Variants in ZDHHC24 observed in about 807,000 individuals in gnomAD.
The protein encoded by ZDHHC24 is zDHHC palmitoyltransferase 24.
In ZDHHC24, 17 loss-of-function variants were observed where a neutral mutation model predicts 23.2. That is an observed-to-expected ratio of 0.73 (90% confidence interval 0.50 to 1.10). The LOEUF is 1.10. Among genes scored for constraint, ZDHHC24 ranks in the 50% least tolerant of loss-of-function variants. ZDHHC24 has a pLI of 0.00. For missense variants in ZDHHC24, 366 were observed against 393.0 expected (o/e 0.93, Z 0.58); for synonymous variants, 186 against 194.5 (o/e 0.96, Z 0.36).
rs1427126585 is a variant in ZDHHC24 at position 66,539,773 on chromosome 11, A to G, written c.611T>C (p.Val204Ala). ...FALAFVTDTC[V>A]AGALLCGAGL... ...AGCCCCGCACAGCAGCGCACCCGCC[A>G]CGCACGTGTCCGTCACGAAGGCCAA... Residue 204 changes from valine to alanine, a missense_variant, in exon 3 of 3, where the codon GTG becomes GCG. Transcript: ENST00000310442. The G allele has an allele frequency of 6.2e-7, 1 of 1,612,540 alleles. No homozygotes were observed. The highest frequency in any genetic ancestry group is 8.5e-7 in the Non-Finnish European group (1 of 1,179,450).
chr11:66,520,997 G>C, downstream of ZDHHC24: 1 of 470,444 alleles, frequency 2.1e-6, no homozygotes, highest in Middle Eastern at 4.5e-4. Context: ...GGGATTACAG[G>C]TGTGGGCCAC....
intron 2 of ZDHHC24, among the ~76,000 whole-genome samples, chr11:66,541,535 G>A (rs145069800): frequency 4.3e-4 from 65 of 152,300 alleles, no homozygotes; most frequent in Admixed American, 5.9e-4. Flanking sequence ...AGTTCTGCGA[G>A]TAGGGGGTGC....
chr11:66,545,304 G>A lies in ZDHHC24; in HGVS notation c.281+419C>T, dbSNP rs977635576. On this transcript the variant is annotated intron_variant, in intron 1 of 2. Coordinates refer to ENST00000310442, the MANE Select transcript of ZDHHC24 (RefSeq NM_207340.3). This position sits in a 1 kb window ranked among gnomAD's most constrained non-coding sequence, Gnocchi z 4.5. ...TCCGCCGGCCTCGGCCTCCCAAAGTGCTGGGATTACAGATGTGAGCCAACG... is the reference window on the plus strand; with the variant it reads ...TCCGCCGGCCTCGGCCTCCCAAAGTACTGGGATTACAGATGTGAGCCAACG... Among the ~76,000 whole-genome samples, 5 of 152,318 alleles carry A rather than the reference G, an allele frequency of 3.3e-5. No individual in the cohort carries two copies. Among genetic ancestry groups the A allele is most frequent in the East Asian group, 1.9e-4 (1 of 5,176 alleles).
In ZDHHC24 at chr11:66,545,878, C is replaced by T; in HGVS notation, c.126G>A (p.Gly42=). 6.5e-7 allele frequency: 1 copy of T among 1,545,442 alleles called. No homozygotes were observed. Among genetic ancestry groups the T allele is most frequent in the Non-Finnish European group, 8.7e-7 (1 of 1,151,976 alleles). ...GGGCCAGGGGTCCCAGCGGCGGCGGCCCGGGACCGAGCACCAGCACGTAAG... is the reference window on the plus strand; with the variant it reads ...GGGCCAGGGGTCCCAGCGGCGGCGGTCCGGGACCGAGCACCAGCACGTAAG... ...ELAYVLVLGP[G]PPPLGPLARA... is the part of the protein sequence containing the mutation. Residue 42 remains glycine, a synonymous_variant, in exon 1 of 3, where the codon GGG becomes GGA. Transcript: ENST00000310442. This position sits in a 1 kb window ranked among gnomAD's most constrained non-coding sequence, Gnocchi z 4.5.
chr11:66,546,023 C>A lies in ZDHHC24; in HGVS notation c.-20G>T, dbSNP rs1857319161. 2.9e-6 allele frequency: 4 copies of A among 1,377,362 alleles called. No individual in the cohort carries two copies. The highest frequency in any genetic ancestry group is 3.7e-6 in the Non-Finnish European group (4 of 1,074,562). The allele number at this position is 1,377,362 out of a possible 1,614,324, so 85.3% of individuals were successfully genotyped here. ...CCCCATGGCCTGGACACCCAGCTGT[C>A]GGAGCCGGAGGACTAGGCCGCTTCC... On this transcript the variant is annotated 5_prime_UTR_variant, in exon 1 of 3. Coordinates refer to ENST00000310442, the MANE Select transcript of ZDHHC24 (RefSeq NM_207340.3).
At chr11:66,531,553 A>G, downstream of ZDHHC24, 2 of 1,466,268 alleles carry the variant, frequency 1.4e-6, no homozygotes, top group South Asian at 2.3e-5. Flanking sequence ...CCCACCCTGC[A>G]GGGGTGCTGA....
In ZDHHC24 at chr11:66,541,322, G is replaced by C. The variant is rs534991265; in HGVS notation, c.560-1498C>G. Among the ~76,000 whole-genome samples, 4 of 151,626 alleles carry C rather than the reference G, an allele frequency of 2.6e-5. No individual in the cohort carries two copies. In the South Asian group the frequency reaches 8.4e-4, roughly 32 times the overall value. On this transcript the variant is annotated intron_variant, in intron 2 of 2. Coordinates refer to ENST00000310442, the MANE Select transcript of ZDHHC24 (RefSeq NM_207340.3). ...GGAGGCTGAGGCAAGAGAATCACTT[G>C]AACCTGGAAGGCGGAGGTTGTGGTG... is the stretch of plus-strand genomic sequence containing the variant.
At chr11:66,522,206 ACT>A (rs953700667) in intron 4 of ZDHHC24, among the ~76,000 whole-genome samples, 8 of 151,588 alleles carry the variant, frequency 5.3e-5, no homozygotes, top group African/African-American at 1.7e-4. Flanking sequence ...ACAGAGCGAG[ACT>A]CTGTCTCAAA....
chr11:66,525,305 A>T (rs1384678671), intron 4 of ZDHHC24, among the ~76,000 whole-genome samples: 2 of 151,334 alleles, frequency 1.3e-5, no homozygotes, highest in African/African-American at 4.9e-5. Flanking sequence ...GTTGCAGTGA[A>T]CTGAGATCGC....
In ZDHHC24 at chr11:66,539,214, G is replaced by T; in HGVS notation, c.*315C>A. ...ACAGAGGGTCCCAGAAACAGCCCCAGCAACAAAGTGAGGGGCCAGAAACTA... is the reference window on the plus strand; with the variant it reads ...ACAGAGGGTCCCAGAAACAGCCCCATCAACAAAGTGAGGGGCCAGAAACTA... On this transcript the variant is annotated 3_prime_UTR_variant, in exon 3 of 3. Coordinates refer to ENST00000310442, the MANE Select transcript of ZDHHC24 (RefSeq NM_207340.3). 1 of 1,069,640 alleles carries T rather than the reference G, an allele frequency of 9.3e-7. No homozygotes were observed. The highest frequency in any genetic ancestry group is 1.1e-6 in the Non-Finnish European group (1 of 885,006). The allele number at this position is 1,069,640 out of a possible 1,614,324, so 66.3% of individuals were successfully genotyped here. A position where few individuals can be genotyped will look rare whatever the true frequency, so the allele number is the denominator to read the frequency against.
intron 4 of ZDHHC24, chr11:66,524,270 A>C: frequency 1.9e-5 from 6 of 317,828 alleles, no homozygotes; most frequent in East Asian, 8.3e-5. Flanking sequence ...ACAGAGCGAG[A>C]CTCCATCTTA....
rs1857042516 is a variant in ZDHHC24, at chr11:66,538,373, A to C, written c.*1156T>G. On this transcript the variant is annotated 3_prime_UTR_variant, in exon 3 of 3. Transcript: ENST00000310442. ...GATCACGCCATTGCACTCCTGCCTG[A>C]GCAACAAGAGCAAAACTCCGTCTCA... 1 of 151,716 alleles carries C rather than the reference A, an allele frequency of 6.6e-6. No homozygotes were observed. Among genetic ancestry groups the C allele is most frequent in the Non-Finnish European group, 1.5e-5 (1 of 67,986 alleles). 9.4% of individuals were successfully genotyped at this position (151,716 alleles called of 1,614,324 possible).
In ZDHHC24 at chr11:66,529,697, T is replaced by G. The variant is rs550840248; in HGVS notation, c.560-209A>C. On this transcript the variant is annotated intron_variant, in intron 2 of 4. Transcript: ENST00000526986. ...TCCCTCCTCCCCAGCTCCTGCAGAC[T>G]CCTCCTGCAGCACCCTCCTCTTGCA... 86 of 1,262,680 alleles carry G rather than the reference T, an allele frequency of 6.8e-5. No individual in the cohort carries two copies. In the African/African-American group the frequency reaches 8.2e-4, roughly 12 times the overall value. 78.2% of individuals were successfully genotyped at this position (1,262,680 alleles called of 1,614,324 possible).
chr11:66,541,580 T>G (rs1358550803), intron 2 of ZDHHC24, among the ~76,000 whole-genome samples: 2 of 151,840 alleles, frequency 1.3e-5, no homozygotes, highest in African/African-American at 4.8e-5. Context: ...CAGCTAGACC[T>G]GCCAAAGTGT....
chr11:66,523,953 G>C, intron 4 of ZDHHC24: 1 of 1,591,698 alleles, frequency 6.3e-7, no homozygotes, highest in South Asian at 1.1e-5. Flanking sequence ...CTTCTTAGCT[G>C]CCTCTTCCGA....
chr11:66,526,066 T>C (rs776823306), intron 4 of ZDHHC24: 4 of 1,543,636 alleles, frequency 2.6e-6, no homozygotes, highest in Non-Finnish European at 3.6e-6. Context: ...ACCCATCCCC[T>C]GTCTTGCTTT....
chr11:66,521,252 T>G (rs1284906055), exon 5 of ZDHHC24: 3 of 1,602,286 alleles, frequency 1.9e-6, no homozygotes, highest in African/African-American at 2.7e-5. Flanking sequence ...TTGGAGTGTT[T>G]GCGCTTCTTG....
intron 4 of ZDHHC24, chr11:66,526,645 C>G: frequency 6.2e-7 from 1 of 1,614,162 alleles, no homozygotes; most frequent in Non-Finnish European, 8.5e-7. Context: ...GTCCACTTCC[C>G]TAGGTGGTGG....
chr11:66,543,689 T>G lies in ZDHHC24; in HGVS notation c.559+15A>C. The G allele has an allele frequency of 6.4e-7, 1 of 1,559,486 alleles. No homozygotes were observed. Among genetic ancestry groups the G allele is most frequent in the Non-Finnish European group, 8.7e-7 (1 of 1,151,328 alleles). ...GGGCCCCTGCCTCTGTGCAGAGGCCTCCCAGGCTCCCCACCTGTGAGCAAC... is the reference window on the plus strand; with the variant it reads ...GGGCCCCTGCCTCTGTGCAGAGGCCGCCCAGGCTCCCCACCTGTGAGCAAC... On this transcript the variant is annotated intron_variant, in intron 2 of 2. Transcript: ENST00000310442.
Sources: gnomAD v4.1 joint callset for allele counts (sites outside exome capture counted in the v4.1 genomes callset) on GRCh38, gnomAD v4.1.1 for gene constraint, Gnocchi (gnomAD v3.1) non-coding constraint, MANE v1.5 for transcripts, NCBI Gene and HGNC (gene_info 2026-07-23, HGNC 2026-07-21) for gene names.